Variants in CALCRL observed in about 807,000 individuals in gnomAD.
The protein encoded by CALCRL is calcitonin gene-related peptide type 1 receptor.
Under a neutral mutation model 60.4 loss-of-function variants are expected in CALCRL, and 27 were observed. The ratio of observed to expected loss-of-function variants is 0.45; its 90% confidence interval spans 0.33 to 0.62. CALCRL has a LOEUF of 0.62. Among genes scored for constraint, CALCRL ranks in the 20% least tolerant of loss-of-function variants. The pLI is 0.03. For synonymous variants in CALCRL, 190 were observed against 182.6 expected, an observed-to-expected ratio of 1.04 and a Z score of -0.33; for missense variants, 424 against 540.7, an observed-to-expected ratio of 0.78 and a Z score of 2.14.
At chr2:187,394,045 G>C (rs1688563428) in intron 1 of CALCRL, among the ~76,000 whole-genome samples, 1 of 151,992 alleles carries the variant, frequency 6.6e-6, no homozygotes, top group Non-Finnish European at 1.5e-5. Flanking sequence ...CAGGTTAGTT[G>C]CAAATAATAA....
rs1195465121 is a variant in CALCRL at position 187,443,007 on chromosome 2, C to T, written c.-293+5032G>A. ...CAACTTTGGGTTTCACTGAGTTTCA[C>T]ATGTAAAGAAACGCAATAATTTTTG... On this transcript the variant is annotated intron_variant, in intron 1 of 14. Transcript: ENST00000392370. 2.6e-5 allele frequency among the ~76,000 whole-genome samples: 4 copies of T among 151,768 alleles called. No homozygotes were observed. In the East Asian group the frequency reaches 7.7e-4, roughly 29 times the overall value.
chr2:187,411,978 C>CAAAAAAAA (rs56075258), intron 1 of CALCRL, among the ~76,000 whole-genome samples: 2 of 61,464 alleles, frequency 3.3e-5, no homozygotes, highest in Non-Finnish European at 6.6e-5. Context: ...GACTCTGTCT[C>CAAAAAAAA]AAAAAAAAAA....
chr2:187,359,393 A>G (rs1437451943), intron 10 of CALCRL, 121 bp from the exon 11 acceptor site: 3 of 632,846 alleles, frequency 4.7e-6, no homozygotes, highest in African/African-American at 1.8e-5. Flanking sequence ...TAGCCACTAT[A>G]TATTTGTTGA....
rs112445357 is a variant in CALCRL at position 187,395,385 on chromosome 2, T to C, written c.-292-7629A>G. On this transcript the variant is annotated intron_variant, in intron 1 of 14. Transcript: ENST00000392370. ...ACTTTTTCCCAACAATTTCTTCTTT[T>C]CATTCCTCTTCTTAGCAATGTCATA... 2.3e-3 allele frequency among the ~76,000 whole-genome samples: 343 copies of C among 152,220 alleles called. 1 individual carries two copies. The highest frequency in any genetic ancestry group is 3.3e-3 in the Non-Finnish European group (221 of 67,978).
At chr2:187,372,092 C>G (rs7589163) in intron 8 of CALCRL, among the ~76,000 whole-genome samples, 1 of 151,706 alleles carries the variant, frequency 6.6e-6, no homozygotes, top group Non-Finnish European at 1.5e-5. Flanking sequence ...AACTTGGCTT[C>G]TAAATTGTTT....
At chr2:187,417,807 T>C (rs893016755) in intron 1 of CALCRL, among the ~76,000 whole-genome samples, 4 of 152,174 alleles carry the variant, frequency 2.6e-5, no homozygotes, top group Non-Finnish European at 5.9e-5. Context: ...GATTTTGTGA[T>C]AAAAGTTAAT....
At chr2:187,415,933 C>T (rs1689584566) in intron 1 of CALCRL, 2 of 220,030 alleles carry the variant, frequency 9.1e-6, no homozygotes, top group Admixed American at 1.2e-4. Flanking sequence ...CTCAGTCCCC[C>T]ACCACACTAA....
chr2:187,346,320 C>T lies in CALCRL; in HGVS notation c.1250G>A (p.Arg417His), dbSNP rs773778926. ...GNSFSNSEAL[R>H]SASYTVSTIS... ...TGTTGACACTGTGTAAGACGCACTA[C>T]GAAGAGCTTCTGAGTTGGAAAAGCT... The change falls in exon 15 of 15, where the codon CGT (arginine) becomes CAT (histidine). Residue 417 changes from arginine (R) to histidine (H), a missense_variant. By Grantham distance (29) the Arg-to-His change is conservative (BLOSUM62 0). Coordinates refer to ENST00000392370, the MANE Select transcript of CALCRL (RefSeq NM_005795.6). 2.7e-5 allele frequency: 44 copies of T among 1,612,316 alleles called. No homozygotes were observed. Among genetic ancestry groups the T allele is most frequent in the Non-Finnish European group, 3.1e-5 (36 of 1,179,012 alleles).
intron 5 of CALCRL, 71 bp from the exon 6 acceptor site, chr2:187,380,858 T>C: frequency 8.2e-7 from 1 of 1,220,274 alleles, no homozygotes; most frequent in Non-Finnish European, 1.2e-6. Flanking sequence ...GTTTTAAAAG[T>C]GGTTTCACAC....
chr2:187,409,707 G>C (rs1211566842), intron 1 of CALCRL, among the ~76,000 whole-genome samples: 1 of 152,164 alleles, frequency 6.6e-6, no homozygotes, highest in African/African-American at 2.4e-5. Flanking sequence ...AATTCAAAAT[G>C]ACAAGATAGT....
At chr2:187,421,814 C>T (rs1689883643) in intron 1 of CALCRL, among the ~76,000 whole-genome samples, 1 of 152,158 alleles carries the variant, frequency 6.6e-6, no homozygotes, top group South Asian at 2.1e-4. Context: ...GCATAGACAC[C>T]ATGCCACCCT....
At chr2:187,425,983 C>T (rs1475489357) in intron 1 of CALCRL, among the ~76,000 whole-genome samples, 1 of 151,868 alleles carries the variant, frequency 6.6e-6, no homozygotes, top group Non-Finnish European at 1.5e-5. Context: ...TACTTCATTT[C>T]TTTCTCTCCT....
intron 14 of CALCRL, among the ~76,000 whole-genome samples, chr2:187,348,732 CTTGT>C (rs1005955932): frequency 6.6e-6 from 1 of 151,450 alleles, no homozygotes; most frequent in Non-Finnish European, 1.5e-5. Flanking sequence ...GCCTTGTAGA[CTTGT>C]TTGTTTATGT....
At chr2:187,352,359 A>G (rs1686572253) in intron 12 of CALCRL, 27 bp from the exon 13 acceptor site, 1 of 1,305,040 alleles carries the variant, frequency 7.7e-7, no homozygotes. Flanking sequence ...ATGGCATCTG[A>G]AAATCATTTC....
intron 1 of CALCRL, among the ~76,000 whole-genome samples, chr2:187,395,521 TA>T (rs1688616459): frequency 2.0e-5 from 3 of 152,080 alleles, no homozygotes; most frequent in East Asian, 3.9e-4. Flanking sequence ...TCTAGCACTT[TA>T]AAAAATGCGT....
chr2:187,447,367 C>G (rs1158812711), intron 1 of CALCRL, among the ~76,000 whole-genome samples: 1 of 151,336 alleles, frequency 6.6e-6, no homozygotes, highest in Non-Finnish European at 1.5e-5. Context: ...TTCCTAAACT[C>G]TAGGTTTTTT....
At position 187,431,356 on chromosome 2, in the gene CALCRL, CG is replaced by C. The variant is rs958321161; in HGVS notation, c.-293+16682del. On this transcript the variant is annotated intron_variant, in intron 1 of 14. Coordinates refer to ENST00000392370, the MANE Select transcript of CALCRL (RefSeq NM_005795.6). ...GTAGCACAAGTGGTTGGTGTATCAT[CG>C]TAGGACCCTAGATGACAAGAGAACA... is the stretch of plus-strand genomic sequence containing the variant. The C allele has an allele frequency of 2.3e-4, 35 of 155,226 alleles. 2 individuals carry two copies. Among genetic ancestry groups the C allele is most frequent in the South Asian group, 2.0e-4 (1 of 4,918 alleles). The allele number at this position is 155,226 out of a possible 1,614,324, so 9.6% of individuals were successfully genotyped here.
At chr2:187,423,145 C>A (rs779449209) in intron 1 of CALCRL, among the ~76,000 whole-genome samples, 15 of 151,924 alleles carry the variant, frequency 9.9e-5, no homozygotes, top group Non-Finnish European at 2.1e-4. Context: ...TGAACAATAA[C>A]AATAGAACAT....
intron 12 of CALCRL, among the ~76,000 whole-genome samples, chr2:187,352,864 T>C (rs1374036312): frequency 6.6e-6 from 1 of 151,984 alleles, no homozygotes. Flanking sequence ...AAAGTATCAC[T>C]GTAATCCTCT....
Sources: allele counts gnomAD v4.1 joint callset (sites outside exome capture counted in the v4.1 genomes callset), GRCh38; gene constraint gnomAD v4.1.1; transcripts MANE v1.5; gene names NCBI Gene and HGNC (gene_info 2026-07-23, HGNC 2026-07-21).